GLB1: variants seen among roughly 807,000 people sequenced by gnomAD.
The protein encoded by GLB1 is beta-galactosidase.
Under a neutral mutation model 74.0 loss-of-function variants are expected in GLB1, and 56 were observed. The ratio of observed to expected loss-of-function variants is 0.76; its 90% CI spans 0.61 to 0.94. The LOEUF is 0.94. GLB1 is among the 40% of genes least tolerant of loss of function. The probability of loss-of-function intolerance (pLI) is 0.00; values close to 1 mark genes in which losing one functional copy is unlikely to be tolerated. For synonymous variants in GLB1, 323 were observed against 323.6 expected (o/e 1.00, Z 0.02); for missense variants, 787 against 845.5 (o/e 0.93, Z 0.86).
At chr3:33,028,665 A>ATTT (rs199938060) in intron 10 of GLB1, among the ~76,000 whole-genome samples, 1 of 148,272 alleles carries the variant, frequency 6.7e-6, no homozygotes. Context: ...TTTACCCAAA[A>ATTT]ATTTTTTTTT....
At chr3:33,024,651 C>T (rs1307849807) in intron 10 of GLB1, among the ~76,000 whole-genome samples, 3 of 152,148 alleles carry the variant, frequency 2.0e-5, no homozygotes, top group South Asian at 2.1e-4. Context: ...GAAACAGGTA[C>T]GTGACAGACT....
At chr3:32,979,883 A>G in the GLB1 span, among the ~76,000 whole-genome samples, 1 of 151,480 alleles carries the variant, frequency 6.6e-6, no homozygotes, top group Admixed American at 6.6e-5. Flanking sequence ...AAAAAAGAAA[A>G]GGAAGCTTTT....
At chr3:33,066,784 A>G (rs1349520058) in intron 4 of GLB1, among the ~76,000 whole-genome samples, 1 of 152,210 alleles carries the variant, frequency 6.6e-6, no homozygotes, top group Admixed American at 6.5e-5. Flanking sequence ...TAATAAATGT[A>G]CATGCCACAT....
chr3:32,972,148 C>G, the GLB1 span, among the ~76,000 whole-genome samples: 1 of 152,002 alleles, frequency 6.6e-6, no homozygotes, highest in Non-Finnish European at 1.5e-5. Flanking sequence ...ATGGGGGTAC[C>G]GTACCCCCAT....
At chr3:32,990,405 C>T in the GLB1 span, among the ~76,000 whole-genome samples, 2 of 152,106 alleles carry the variant, frequency 1.3e-5, no homozygotes, top group African/African-American at 2.4e-5. Context: ...TAGATCTGTG[C>T]GCTCCCTGAG....
chr3:33,025,927 G>A (rs2125481997), intron 10 of GLB1, among the ~76,000 whole-genome samples: 1 of 152,316 alleles, frequency 6.6e-6, no homozygotes, highest in South Asian at 2.1e-4. Context: ...TGCTGCTGCT[G>A]TGGAAAGGGT....
At chr3:33,075,656 T>C (rs1365380587) in intron 1 of GLB1, among the ~76,000 whole-genome samples, 1 of 151,814 alleles carries the variant, frequency 6.6e-6, no homozygotes, top group East Asian at 1.9e-4. Flanking sequence ...CAGAAATAAA[T>C]GGCAGGGAAC....
intron 14 of GLB1, among the ~76,000 whole-genome samples, chr3:33,015,522 A>C (rs915847285): frequency 1.4e-4 from 21 of 152,160 alleles, no homozygotes; most frequent in African/African-American, 4.8e-4. Flanking sequence ...TCCCAGTGGA[A>C]TCCCAGATAC....
At chr3:33,010,835 C>G (rs981393798) in intron 15 of GLB1, among the ~76,000 whole-genome samples, 5 of 141,160 alleles carry the variant, frequency 3.5e-5, no homozygotes, top group African/African-American at 1.4e-4. Flanking sequence ...GGAAATTAAA[C>G]AGCATACTTT....
At chr3:33,029,057 A>G (rs1428230955) in intron 10 of GLB1, among the ~76,000 whole-genome samples, 2 of 152,050 alleles carry the variant, frequency 1.3e-5, no homozygotes, top group African/African-American at 4.8e-5. Flanking sequence ...TGTCTATCCC[A>G]TTTACTACAA....
chr3:33,056,391 G>A (rs1275287891), intron 6 of GLB1, among the ~76,000 whole-genome samples: 7 of 151,820 alleles, frequency 4.6e-5, no homozygotes, highest in African/African-American at 7.3e-5. Context: ...GCTACTCAAG[G>A]AACTGGTCTT....
intron 5 of GLB1, among the ~76,000 whole-genome samples, chr3:33,059,531 C>T (rs1699360622): frequency 6.6e-6 from 1 of 152,134 alleles, no homozygotes. Flanking sequence ...ACAGTACAAT[C>T]CCCTTTAGAG....
At chr3:33,069,118 A>G in intron 2 of GLB1, 148 bp from the exon 3 acceptor site, 2 of 1,389,194 alleles carry the variant, frequency 1.4e-6, no homozygotes, top group Non-Finnish European at 2.0e-6. Flanking sequence ...GGCTGGGCAC[A>G]GTGGCTCAGG....
intron 1 of GLB1, among the ~76,000 whole-genome samples, chr3:33,084,732 A>T (rs568666205): frequency 7.2e-4 from 109 of 152,326 alleles, no homozygotes; most frequent in African/African-American, 2.5e-3. Context: ...AAATTAAATT[A>T]AAAAATATGT....
chr3:33,020,461 CATCCTGCT>C (rs1559385327), intron 12 of GLB1, among the ~76,000 whole-genome samples: 1 of 152,198 alleles, frequency 6.6e-6, no homozygotes, highest in Non-Finnish European at 1.5e-5. Flanking sequence ...GTCTCACGGG[CATCCTGCT>C]ATCATTCCCT....
At chr3:33,030,627 G>A (rs1697965373) in intron 10 of GLB1, 3 of 985,268 alleles carry the variant, frequency 3.0e-6, no homozygotes, top group Non-Finnish European at 3.6e-6. Context: ...ACTTCATTAA[G>A]CTTTTGAAGT....
rs149595582 is a variant in GLB1, at chr3:33,018,868, C to T, written c.1234-307G>A. On this transcript the variant is annotated intron_variant, in intron 12 of 15. Coordinates refer to ENST00000307363, the MANE Select transcript of GLB1 (RefSeq NM_000404.4). ...CCCAGGGTCATACAGGGGATTATAT[C>T]ATACATAGCAAAAGTTATGGATGTT... Among the ~76,000 whole-genome samples, 882 of 152,254 alleles carry T rather than the reference C, an allele frequency of 5.8e-3. 15 individuals carry two copies. Among genetic ancestry groups the T allele is most frequent in the African/African-American group, 0.02 (824 of 41,546 alleles).
intron 1 of GLB1, chr3:33,090,770 G>A: frequency 1.0e-6 from 1 of 985,398 alleles, no homozygotes; most frequent in Non-Finnish European, 1.2e-6. Context: ...ATACGAGAGG[G>A]TGTTGATGTT....
At chr3:33,016,321 A>G (rs1448009575) in intron 14 of GLB1, among the ~76,000 whole-genome samples, 1 of 152,234 alleles carries the variant, frequency 6.6e-6, no homozygotes, top group African/African-American at 2.4e-5. Flanking sequence ...CAACTTTCTC[A>G]TCACCTACAG....
Sources: allele counts gnomAD v4.1 joint callset (sites outside exome capture counted in the v4.1 genomes callset), GRCh38; gene constraint gnomAD v4.1.1; transcripts MANE v1.5; gene names NCBI Gene and HGNC (gene_info 2026-07-23, HGNC 2026-07-21).